The following WAPL variants were observed in gnomAD, a reference collection of about 807,000 sequenced individuals.
WAPL encodes wings apart-like protein homolog.
WAPL carries 5 observed loss-of-function variants against 121.0 expected under a neutral mutation model. The observed-to-expected ratio is 0.04, with a 90% CI of 0.02 to 0.09. WAPL has a LOEUF of 0.09. Ranked by LOEUF, WAPL falls within the 10% of genes least tolerant of loss-of-function variation. The pLI is 1.00. For synonymous variants in WAPL, 480 were observed against 481.5 expected, an observed-to-expected ratio of 1.00 and a Z score of 0.04; for missense variants, 999 against 1,410.8, an observed-to-expected ratio of 0.71 and a Z score of 4.68.
At chr10:86,506,241 AAAAC>A (rs200759118) in intron 2 of WAPL, among the ~76,000 whole-genome samples, 6 of 152,104 alleles carry the variant, frequency 3.9e-5, no homozygotes, top group Admixed American at 6.5e-5. Context: ...TCCAAAAACA[AAAAC>A]AAACAAACAA....
intron 4 of WAPL, among the ~76,000 whole-genome samples, chr10:86,474,865 C>T (rs1007154118): frequency 2.6e-5 from 4 of 152,188 alleles, no homozygotes; most frequent in African/African-American, 7.2e-5. Flanking sequence ...ACAGACAATG[C>T]GCTCATTTAA....
At chr10:86,470,931 A>T in intron 8 of WAPL, 61 bp downstream of exon 8, 1 of 1,323,090 alleles carries the variant, frequency 7.6e-7, no homozygotes, top group Admixed American at 2.0e-5. Context: ...TATTTTTGAT[A>T]GCCAAATAGA....
chr10:86,479,459 G>A (rs2132200925), intron 4 of WAPL, among the ~76,000 whole-genome samples: 1 of 152,244 alleles, frequency 6.6e-6, no homozygotes, highest in African/African-American at 2.4e-5. Flanking sequence ...TTGCCATGTT[G>A]GCCAGGCTGG....
At chr10:86,520,601 G>A (rs1365735292) in intron 1 of WAPL, among the ~76,000 whole-genome samples, 1 of 151,846 alleles carries the variant, frequency 6.6e-6, no homozygotes, top group African/African-American at 2.4e-5. Context: ...CGTCCTTGAA[G>A]TTAAATTTTA....
At position 86,457,543 on chromosome 10, in the gene WAPL, T is replaced by C. The variant is rs1364391236; in HGVS notation, c.2657+1446A>G. Among the ~76,000 whole-genome samples, 3 of 151,788 alleles carry C rather than the reference T, an allele frequency of 2.0e-5. No individual in the cohort carries two copies. In the East Asian group the frequency reaches 5.8e-4, roughly 29 times the overall value. On this transcript the variant is annotated intron_variant, in intron 12 of 18. Coordinates refer to ENST00000298767, the MANE Select transcript of WAPL (RefSeq NM_015045.5). ...TGGCGCACACCTGTTGTCCCAGCTA[T>C]TCGGAAGGCTGAGGCAGGAGAATCA...
intron 9 of WAPL, among the ~76,000 whole-genome samples, chr10:86,462,655 A>G (rs1841310673): frequency 7.4e-6 from 1 of 134,508 alleles, no homozygotes; most frequent in East Asian, 2.5e-4. Flanking sequence ...CGGGAGGTGG[A>G]GGTTGCAGTG....
rs577829381 is a variant in WAPL, at chr10:86,507,241, G to A, written c.500-6498C>T. ...AAATTAGCCAGGTGTGGTGACAGGCGCCTATAATCCCAGCTACTCGGGAGG... is the reference window on the plus strand; with the variant it reads ...AAATTAGCCAGGTGTGGTGACAGGCACCTATAATCCCAGCTACTCGGGAGG... On this transcript the variant is annotated intron_variant, in intron 2 of 18. Coordinates refer to ENST00000298767, the MANE Select transcript of WAPL (RefSeq NM_015045.5). 1.1e-3 allele frequency among the ~76,000 whole-genome samples: 170 copies of A among 150,886 alleles called. 1 individual carries two copies. The highest frequency in any genetic ancestry group is 3.6e-3 in the African/African-American group (149 of 41,132).
At position 86,472,856 on chromosome 10, in the gene WAPL, G is replaced by A. The variant is rs1349936520; in HGVS notation, c.1741-92C>T. 2 of 1,319,152 alleles carry A rather than the reference G, an allele frequency of 1.5e-6. No homozygotes were observed. Among genetic ancestry groups the A allele is most frequent in the Non-Finnish European group, 2.0e-6 (2 of 988,688 alleles). The allele number at this position is 1,319,152 out of a possible 1,614,324, so 81.7% of individuals were successfully genotyped here. On this transcript the variant is annotated intron_variant, in intron 5 of 18. Transcript: ENST00000298767. The surrounding 1 kb of genome is among the most constrained non-coding windows in gnomAD (Gnocchi z 4.2). ...CTGGCAAATTCAGCTTCAAAAAAAA[G>A]TAAATAAAGCTTTTTAAAAAGCAGG...
Position 86,499,815 on chromosome 10 carries a change from G to A in WAPL, c.1428C>T (p.Ser476=), listed in dbSNP as rs1459758373. 6.2e-7 allele frequency: 1 copy of A among 1,611,406 alleles called. No individual in the cohort carries two copies. The highest frequency in any genetic ancestry group is 8.5e-7 in the Non-Finnish European group (1 of 1,179,322). The change falls in exon 3 of 19, where the codon AGC becomes AGT. Residue 476 remains serine (S), a synonymous_variant. Coordinates refer to ENST00000298767, the MANE Select transcript of WAPL (RefSeq NM_015045.5). ...DDDCQVERKT[S]KKRTKTAPSP... is the part of the protein sequence containing the mutation. ...ATGGAGCTGTTTTAGTTCTTTTTTT[G>A]CTTGTCTTTCTTTCTACTTGACAGT...
chr10:86,440,452 TA>T (rs974538753), intron 17 of WAPL, among the ~76,000 whole-genome samples: 9 of 113,294 alleles, frequency 7.9e-5, no homozygotes, highest in Admixed American at 1.8e-4. Context: ...CACGCCCGGC[TA>T]ATTTTTTTTT....
chr10:86,455,248 G>C (rs1221561581), intron 12 of WAPL, among the ~76,000 whole-genome samples: 2 of 152,246 alleles, frequency 1.3e-5, no homozygotes, highest in African/African-American at 2.4e-5. Flanking sequence ...AACAGAAAAG[G>C]GGGAAATGTG....
chr10:86,440,293 C>CTT lies in WAPL; in HGVS notation c.3412-2280_3412-2279dup, dbSNP rs980493414. ...TTAAATTTAAATATTATTTTCATTG[C>CTT]TTTTTTTTTTTTGAGATGGAGTCTC... On this transcript the variant is annotated intron_variant, in intron 17 of 18. Coordinates refer to ENST00000298767, the MANE Select transcript of WAPL (RefSeq NM_015045.5). Among the ~76,000 whole-genome samples the CTT allele has an allele frequency of 9.6e-3, 1,392 of 144,634 alleles. 27 individuals carry two copies. Among genetic ancestry groups the CTT allele is most frequent in the African/African-American group, 0.033 (1,291 of 39,690 alleles). The allele number at this position is 144,634 out of a possible 152,430, so 94.9% of individuals were successfully genotyped here.
intron 17 of WAPL, 58 bp from the exon 18 acceptor site, chr10:86,438,073 C>T (rs1464606400): frequency 1.4e-5 from 18 of 1,284,974 alleles, no homozygotes; most frequent in South Asian, 6.5e-5. Context: ...GATTGCACCT[C>T]GTACAATGTT....
intron 4 of WAPL, among the ~76,000 whole-genome samples, chr10:86,475,139 C>T (rs372243003): frequency 2.9e-4 from 44 of 152,142 alleles, no homozygotes; most frequent in African/African-American, 7.0e-4. Flanking sequence ...ACTGAATTTC[C>T]GAATTGAGAA....
At position 86,497,862 on chromosome 10, in the gene WAPL, T is replaced by C. The variant is rs558265210; in HGVS notation, c.1526-543A>G. Among the ~76,000 whole-genome samples the C allele has an allele frequency of 3.9e-5, 6 of 152,340 alleles. No homozygotes were observed. The South Asian group carries it at 1.2e-3, about 32-fold the overall frequency. On this transcript the variant is annotated intron_variant, in intron 3 of 18. Coordinates refer to ENST00000298767, the MANE Select transcript of WAPL (RefSeq NM_015045.5). The stretch of plus-strand genomic sequence containing the variant: ...GACCTAATATAACAAAGTTTAATGA[T>C]TTGTCGGTCTTCAAACACAACTAAC...
intron 5 of WAPL, among the ~76,000 whole-genome samples, chr10:86,473,057 G>T (rs1589513851): frequency 6.6e-6 from 1 of 152,058 alleles, no homozygotes; most frequent in African/African-American, 2.4e-5. Flanking sequence ...AAAGACTAAA[G>T]AACCACAACT....
chr10:86,443,531 G>C (rs1402946948), intron 16 of WAPL, 168 bp from the exon 17 acceptor site: 1 of 504,408 alleles, frequency 2.0e-6, no homozygotes, highest in African/African-American at 1.9e-5. Context: ...AAATGAAATA[G>C]GGATCCAAAA....
At chr10:86,502,371 C>T (rs1842263355) in intron 2 of WAPL, among the ~76,000 whole-genome samples, 1 of 152,138 alleles carries the variant, frequency 6.6e-6, no homozygotes, top group African/African-American at 2.4e-5. Flanking sequence ...GAATTTTATA[C>T]TGCATGTAAG....
chr10:86,507,818 C>T (rs533768236), intron 2 of WAPL, among the ~76,000 whole-genome samples: 2 of 152,040 alleles, frequency 1.3e-5, no homozygotes, highest in South Asian at 4.2e-4. Context: ...GTATACTAAC[C>T]CCTTTCTCCC....
Sources: gnomAD v4.1 joint callset for allele counts (sites outside exome capture counted in the v4.1 genomes callset) on GRCh38, gnomAD v4.1.1 for gene constraint, Gnocchi (gnomAD v3.1) non-coding constraint, MANE v1.5 for transcripts, NCBI Gene and HGNC (gene_info 2026-07-23, HGNC 2026-07-21) for gene names.